The following MON1A variants were observed in gnomAD, a reference collection of about 807,000 sequenced individuals.
The protein encoded by MON1A is MON1 vesicular trafficking associated A.
A neutral mutation model predicts 44.6 loss-of-function variants in MON1A; 29 were observed. The observed-to-expected ratio is 0.65, with a 90% CI of 0.48 to 0.89. MON1A has a LOEUF of 0.89. Ranked by LOEUF, MON1A falls within the 40% of genes least tolerant of loss-of-function variation. The probability of loss-of-function intolerance (pLI) is 0.00; values close to 1 mark genes in which losing one functional copy is unlikely to be tolerated. For synonymous variants in MON1A, 275 were observed against 316.4 expected (o/e 0.87, Z 1.39); for missense variants, 615 against 759.6 (o/e 0.81, Z 2.24).
chr3:49,920,062 G>C (rs2082983354), intron 1 of MON1A, among the ~76,000 whole-genome samples: 1 of 152,208 alleles, frequency 6.6e-6, no homozygotes, highest in Admixed American at 6.5e-5. Context: ...AGCAGGAATT[G>C]TCTCTGCCGT....
chr3:49,914,090 C>CTTTTT (rs776537293), intron 1 of MON1A, among the ~76,000 whole-genome samples: 1 of 133,468 alleles, frequency 7.5e-6, no homozygotes, highest in Non-Finnish European at 1.6e-5. Flanking sequence ...TCTTCTTCTT[C>CTTTTT]TTTTTTTTTT....
At chr3:49,922,877 A>G (rs566189795) in intron 1 of MON1A, among the ~76,000 whole-genome samples, 2 of 151,676 alleles carry the variant, frequency 1.3e-5, no homozygotes, top group African/African-American at 4.8e-5. Context: ...ACACAGGCTA[A>G]TTTTTGTATT....
intron 2 of MON1A, chr3:49,912,868 T>G: frequency 2.6e-6 from 1 of 382,912 alleles, no homozygotes. Flanking sequence ...AATATATGCA[T>G]AAAGAGATAA....
intron 1 of MON1A, chr3:49,924,548 G>A (rs747286936): frequency 6.8e-6 from 2 of 292,554 alleles, no homozygotes; most frequent in East Asian, 1.5e-4. Flanking sequence ...GTGTCATGAC[G>A]GGCGCCTGTA....
Position 49,909,565 on chromosome 3 carries a change from C to A in MON1A, c.1380-165G>T. 1 of 869,674 alleles carries A rather than the reference C, an allele frequency of 1.1e-6. No homozygotes were observed. Among genetic ancestry groups the A allele is most frequent in the East Asian group, 2.6e-5 (1 of 38,026 alleles). The allele number at this position is 869,674 out of a possible 1,614,324, so 53.9% of individuals were successfully genotyped here. ...TGTCTCCCCACCATAGCAGGCACCC[C>A]AGGACAGGGCTGGGCCCACTGAGAC... is the stretch of plus-strand genomic sequence containing the variant. On this transcript the variant is annotated intron_variant, in intron 4 of 5. Transcript: ENST00000296473. The surrounding 1 kb of genome is among the most constrained non-coding windows in gnomAD (Gnocchi z 4.0).
intron 1 of MON1A, among the ~76,000 whole-genome samples, chr3:49,927,452 C>T (rs2083060697): frequency 6.6e-6 from 1 of 152,220 alleles, no homozygotes; most frequent in African/African-American, 2.4e-5. Flanking sequence ...ACTTATAATA[C>T]CACATGAATC....
At chr3:49,929,296 G>T in intron 1 of MON1A, 1 of 450,576 alleles carries the variant, frequency 2.2e-6, no homozygotes, top group Non-Finnish European at 4.0e-6. Flanking sequence ...GTTGCTTTTT[G>T]AGAAGACTCT....
intron 1 of MON1A, among the ~76,000 whole-genome samples, chr3:49,920,213 G>T (rs1021051784): frequency 8.5e-5 from 13 of 152,198 alleles, no homozygotes; most frequent in Middle Eastern, 3.4e-3. Context: ...AGATAATTTG[G>T]TTATTTCCTC....
In MON1A at chr3:49,911,190, TTAGATAGA is replaced by T. The variant is rs10564221; in HGVS notation, c.614-314_614-307del. Among the ~76,000 whole-genome samples the T allele has an allele frequency of 0.17, 16,281 of 95,462 alleles. 1,084 individuals are homozygous for T. Among genetic ancestry groups the T allele is most frequent in the Non-Finnish European group, 0.21 (9,007 of 43,834 alleles). The allele number at this position is 95,462 out of a possible 152,430, so 62.6% of individuals were successfully genotyped here. A position where few individuals can be genotyped will look rare whatever the true frequency, so the allele number is the denominator to read the frequency against. On this transcript the variant is annotated intron_variant, in intron 3 of 5. Coordinates refer to ENST00000296473, the MANE Select transcript of MON1A (RefSeq NM_032355.4). The surrounding 1 kb of genome is among the most constrained non-coding windows in gnomAD (Gnocchi z 5.7). ...GCTCAGGACCTGGGAGATAGATAGA[TTAGATAGA>T]TAGATAGATAGATAGATAGATAGAT...
intron 1 of MON1A, among the ~76,000 whole-genome samples, chr3:49,919,338 C>T (rs1005962700): frequency 6.6e-6 from 1 of 152,158 alleles, no homozygotes; most frequent in South Asian, 2.1e-4. Context: ...TAGCTATCAA[C>T]CCATTTTTCT....
rs886503782 is a variant in MON1A at position 49,911,395 on chromosome 3, T to A, written c.613+131A>T. 1.5e-6 allele frequency: 2 copies of A among 1,354,402 alleles called. No homozygotes were observed. The highest frequency in any genetic ancestry group is 2.9e-5 in the African/African-American group (2 of 68,598). 83.9% of individuals were successfully genotyped at this position (1,354,402 alleles called of 1,614,324 possible). A position where few individuals can be genotyped will look rare whatever the true frequency, so the allele number is the denominator to read the frequency against. ...TCTGTTCAGGTGAGGACCTTGAAGC[T>A]CAGAGAGGTAGAGGGACTTACCCTC... On this transcript the variant is annotated intron_variant, in intron 3 of 5. Transcript: ENST00000296473. This position sits in a 1 kb window ranked among gnomAD's most constrained non-coding sequence, Gnocchi z 5.7.
intron 1 of MON1A, among the ~76,000 whole-genome samples, chr3:49,913,660 A>ATTT (rs1165487319): frequency 4.4e-5 from 5 of 113,692 alleles, no homozygotes; most frequent in Non-Finnish European, 5.6e-5. Context: ...TCCTTCTAGT[A>ATTT]TTTTTTTTTT....
chr3:49,926,980 T>C (rs1420914344), intron 1 of MON1A, among the ~76,000 whole-genome samples: 1 of 152,070 alleles, frequency 6.6e-6, no homozygotes, highest in South Asian at 2.1e-4. Context: ...GGTTTCATCA[T>C]GTTGGCCAGG....
At chr3:49,920,909 G>C (rs981830558) in intron 1 of MON1A, among the ~76,000 whole-genome samples, 3 of 151,672 alleles carry the variant, frequency 2.0e-5, no homozygotes, top group Non-Finnish European at 2.9e-5. Context: ...TGTAATCCTA[G>C]CACTTTGGGA....
rs149740587 is a variant in MON1A at position 49,911,968 on chromosome 3, G to A, written c.171C>T (p.Tyr57=). The A allele has an allele frequency of 5.6e-4, 896 of 1,610,166 alleles. No individual in the cohort carries two copies. The highest frequency in any genetic ancestry group is 1.0e-3 in the Admixed American group (62 of 59,766). Residue 57 remains tyrosine (Y), a synonymous_variant, in exon 3 of 6, where the codon TAC becomes TAT. Coordinates refer to ENST00000296473, the MANE Select transcript of MON1A (RefSeq NM_032355.4). This position sits in a 1 kb window ranked among gnomAD's most constrained non-coding sequence, Gnocchi z 5.7. ...CATCCTCTGACTCAGTCAGGTCCTCGTAGGAACGGGCATGGACGAACATGG... is the reference window on the plus strand; with the variant it reads ...CATCCTCTGACTCAGTCAGGTCCTCATAGGAACGGGCATGGACGAACATGG... The part of the protein sequence containing the change: ...EGAMFVHARS[Y]EDLTESEDGA...
Position 49,911,722 on chromosome 3 carries a change from T to C in MON1A, c.417A>G (p.Thr139=), listed in dbSNP as rs776481285. 1 of 1,613,954 alleles carries C rather than the reference T, an allele frequency of 6.2e-7. No individual in the cohort carries two copies. Among genetic ancestry groups the C allele is most frequent in the South Asian group, 1.1e-5 (1 of 91,082 alleles). ...RPATEPPREG[T]TEGDEEDATE... ...TGGCATCCTCCTCATCCCCCTCGGT[T>C]GTGCCCTCCCTGGGGGGCTCTGTGG... is the stretch of plus-strand genomic sequence containing the variant. The change falls in exon 3 of 6, where the codon ACA becomes ACG. Residue 139 remains threonine, a synonymous_variant. Transcript: ENST00000296473. This position sits in a 1 kb window ranked among gnomAD's most constrained non-coding sequence, Gnocchi z 5.7.
Position 49,916,451 on chromosome 3 carries a change from G to A in MON1A, c.-13-3092C>T, listed in dbSNP as rs1287113234. The A allele has an allele frequency of 3.3e-5, 5 of 152,298 alleles. No individual in the cohort carries two copies. In the South Asian group the frequency reaches 6.2e-4, roughly 19 times the overall value. The allele number at this position is 152,298 out of a possible 1,614,324, so 9.4% of individuals were successfully genotyped here. On this transcript the variant is annotated intron_variant, in intron 1 of 5. Transcript: ENST00000296473. The stretch of plus-strand genomic sequence containing the variant: ...ATTGAATCTTTTGCAGAAGCTCCAC[G>A]TGCAAACAGATAGGGAAGCAGAGCC...
Position 49,910,192 on chromosome 3 carries a change from TGTAGTAGG to T in MON1A, c.1298_1305del (p.Pro433GlnfsTer9). 6.2e-7 allele frequency: 1 copy of T among 1,613,848 alleles called. No homozygotes were observed. Among genetic ancestry groups the T allele is most frequent in the Non-Finnish European group, 8.5e-7 (1 of 1,179,820 alleles). On this transcript the variant is annotated frameshift_variant, in exon 4 of 6. Transcript: ENST00000296473. LOFTEE classifies it high-confidence loss of function. The surrounding 1 kb of genome is among the most constrained non-coding windows in gnomAD (Gnocchi z 8.0). ...TCAGGGATGCCCACTTGGGCAACGC[TGTAGTAGG>T]GTGTGCGCAGTGCCTCTCGCAGGGC...
chr3:49,910,122 G>A lies in MON1A; in HGVS notation c.1376C>T (p.Thr459Ile), dbSNP rs1354287086. 1 of 1,589,462 alleles carries A rather than the reference G, an allele frequency of 6.3e-7. No homozygotes were observed. Among genetic ancestry groups the A allele is most frequent in the South Asian group, 1.1e-5 (1 of 88,772 alleles). The change falls in exon 4 of 6, where the codon ACC becomes ATC. Residue 459 changes from threonine to isoleucine, a missense_variant. Transcript: ENST00000296473. The surrounding 1 kb of genome is among the most constrained non-coding windows in gnomAD (Gnocchi z 8.0). ...TGCCCTCAAGGCCCTCCCTCACCTG[G>A]TGAAGAGTCCCGAGCTCTTTGACTT... Reference protein sequence around the residue: ...LYKSKSSGLFTSPEIEAPYTS... With the variant: ...LYKSKSSGLFISPEIEAPYTS...
Sources: gnomAD v4.1 joint callset for allele counts (sites outside exome capture counted in the v4.1 genomes callset) on GRCh38, gnomAD v4.1.1 for gene constraint, Gnocchi (gnomAD v3.1) non-coding constraint, MANE v1.5 for transcripts, NCBI Gene and HGNC (gene_info 2026-07-23, HGNC 2026-07-21) for gene names.